The following STRA8 variants were observed in gnomAD, a reference collection of about 807,000 sequenced individuals.
STRA8 encodes the protein stimulated by retinoic acid gene 8 protein homolog.
In STRA8, 18 loss-of-function variants were observed where a neutral mutation model predicts 37.1. That is an observed-to-expected ratio of 0.48 (90% CI 0.34 to 0.72). The LOEUF (loss-of-function observed/expected upper bound fraction) is 0.72, where lower values mean the gene tolerates loss of function less well. Among genes scored for constraint, STRA8 ranks in the 30% least tolerant of loss-of-function variants. STRA8 has a pLI of 0.01. For missense variants in STRA8, 357 were observed against 410.4 expected (o/e 0.87, Z 1.13); for synonymous variants, 168 against 162.9 (o/e 1.03, Z -0.24).
upstream of STRA8, among the ~76,000 whole-genome samples, chr7:135,233,324 T>A (rs55721071): frequency 0.023 from 3,564 of 152,274 alleles, 72 homozygotes; most frequent in Non-Finnish European, 0.036. Context: ...CTATTTCCCT[T>A]TCTCCCTTTT....
chr7:135,237,412 TC>T (rs1202681364), intron 1 of STRA8, among the ~76,000 whole-genome samples: 3 of 152,070 alleles, frequency 2.0e-5, no homozygotes, highest in Non-Finnish European at 2.9e-5. Flanking sequence ...AATAGTTAGC[TC>T]CCCCTTTCAC....
Position 135,240,626 on chromosome 7 carries a change from G to A in STRA8, c.102G>A (p.Leu34=). 3.1e-6 allele frequency: 5 copies of A among 1,614,112 alleles called. No homozygotes were observed. Among genetic ancestry groups the A allele is most frequent in the Non-Finnish European group, 4.2e-6 (5 of 1,180,030 alleles). The change falls in exon 2 of 9, where the codon CTG becomes CTA. Residue 34 remains leucine (L), a synonymous_variant. Transcript: ENST00000662584. ...AGCATCGGGTGGCCCGGAGACGGCT[G>A]TCCCAGGCCCGCCACCGAGCCACCC... ...ELEHRVARRR[L]SQARHRATLA...
intron 4 of STRA8, among the ~76,000 whole-genome samples, chr7:135,244,085 GTCTCAC>G (rs1383097905): frequency 2.0e-5 from 3 of 152,214 alleles, no homozygotes; most frequent in African/African-American, 7.2e-5. Context: ...TTGAGACGGA[GTCTCAC>G]TCTGTCACCC....
chr7:135,242,997 G>C (rs1423435466), intron 3 of STRA8, 141 bp downstream of exon 3: 4 of 950,092 alleles, frequency 4.2e-6, no homozygotes, highest in Non-Finnish European at 6.4e-6. Context: ...CTGTGCTTGG[G>C]CCAATGTTGA....
intron 2 of STRA8, among the ~76,000 whole-genome samples, chr7:135,241,747 T>C (rs559455445): frequency 1.3e-5 from 2 of 152,308 alleles, no homozygotes; most frequent in South Asian, 2.1e-4. Flanking sequence ...TATTGTGTTA[T>C]AAGGGGTTGT....
At chr7:135,252,018 GT>G in intron 7 of STRA8, 149 bp downstream of exon 7, 1 of 664,674 alleles carries the variant, frequency 1.5e-6, no homozygotes, top group Non-Finnish European at 2.7e-6. Flanking sequence ...GAGAGAGTGT[GT>G]GTGTGTGTGT....
At chr7:135,241,713 C>G (rs573279045) in intron 2 of STRA8, among the ~76,000 whole-genome samples, 30 of 152,208 alleles carry the variant, frequency 2.0e-4, no homozygotes, top group Non-Finnish European at 3.4e-4. Context: ...GCTTCTACCC[C>G]TTGTTAGTAC....
chr7:135,256,400 T>C (rs1260228281), intron 8 of STRA8, among the ~76,000 whole-genome samples: 1 of 152,194 alleles, frequency 6.6e-6, no homozygotes, highest in East Asian at 1.9e-4. Flanking sequence ...ACAGTTAAAT[T>C]AGCCCACTTT....
intron 4 of STRA8, among the ~76,000 whole-genome samples, chr7:135,244,404 T>C (rs1291958769): frequency 6.6e-6 from 1 of 152,214 alleles, no homozygotes; most frequent in African/African-American, 2.4e-5. Flanking sequence ...ATTATTCCTC[T>C]AAGTATAAAG....
intron 5 of STRA8, among the ~76,000 whole-genome samples, chr7:135,245,884 G>A (rs1016272876): frequency 1.1e-4 from 17 of 152,134 alleles, no homozygotes; most frequent in Admixed American, 1.0e-3. Context: ...CCACAAGTCC[G>A]CACTGCTCTT....
chr7:135,236,560 C>G (rs1350163771), intron 1 of STRA8, among the ~76,000 whole-genome samples: 1 of 152,172 alleles, frequency 6.6e-6, no homozygotes, highest in Admixed American at 6.5e-5. Context: ...TCCAAGCATG[C>G]CCAGTTTTCC....
chr7:135,244,193 G>A (rs1429306436), intron 4 of STRA8, among the ~76,000 whole-genome samples: 2 of 152,122 alleles, frequency 1.3e-5, no homozygotes, highest in Non-Finnish European at 2.9e-5. Context: ...CAAGTAGCTG[G>A]GATTACAGGC....
At chr7:135,244,527 G>A (rs1832516588) in intron 4 of STRA8, among the ~76,000 whole-genome samples, 2 of 152,082 alleles carry the variant, frequency 1.3e-5, no homozygotes, top group African/African-American at 4.8e-5. Context: ...AATTTATCCT[G>A]TTTTTAATAG....
At chr7:135,255,587 G>A (rs1025144323) in intron 8 of STRA8, among the ~76,000 whole-genome samples, 2 of 152,228 alleles carry the variant, frequency 1.3e-5, no homozygotes, top group Non-Finnish European at 2.9e-5. Context: ...CAGTGGCAGC[G>A]TTAGATTCTC....
intron 2 of STRA8, among the ~76,000 whole-genome samples, chr7:135,241,099 T>C (rs1013761152): frequency 7.2e-5 from 11 of 152,130 alleles, no homozygotes; most frequent in Admixed American, 7.2e-4. Flanking sequence ...ATATTGGGGA[T>C]TGGGTCTCAA....
chr7:135,234,106 T>TGATG (rs563221133), intron 1 of STRA8, among the ~76,000 whole-genome samples: 14 of 150,786 alleles, frequency 9.3e-5, no homozygotes, highest in African/African-American at 3.4e-4. Context: ...TGATGATGAT[T>TGATG]ATTATTATTA....
intron 2 of STRA8, 150 bp downstream of exon 2, chr7:135,240,866 A>C: frequency 1.2e-6 from 1 of 860,022 alleles, no homozygotes; most frequent in South Asian, 1.8e-5. Flanking sequence ...GTAATTTATA[A>C]ACAACAGAAG....
In STRA8 at chr7:135,246,169, G is replaced by T. The variant is rs1832549822; in HGVS notation, c.594-248G>T. ...TATCTGCTTCTGTCTAACACAGAAG[G>T]CTTCATGGGGCAGGGACTGGGAGAA... On this transcript the variant is annotated intron_variant, in intron 5 of 8. Transcript: ENST00000662584. This position sits in a 1 kb window ranked among gnomAD's most constrained non-coding sequence, Gnocchi z 5.4. 2 of 569,380 alleles carry T rather than the reference G, an allele frequency of 3.5e-6. No homozygotes were observed. The highest frequency in any genetic ancestry group is 6.3e-6 in the Non-Finnish European group (2 of 319,134). The allele number at this position is 569,380 out of a possible 1,614,324, so 35.3% of individuals were successfully genotyped here.
At chr7:135,232,567 C>G (rs1036353999), upstream of STRA8, among the ~76,000 whole-genome samples, 1 of 151,726 alleles carries the variant, frequency 6.6e-6, no homozygotes, top group Non-Finnish European at 1.5e-5. Flanking sequence ...CGCTTGAGCC[C>G]GGGAATTCGA....
Sources: allele counts gnomAD v4.1 joint callset (sites outside exome capture counted in the v4.1 genomes callset), GRCh38; gene constraint gnomAD v4.1.1; non-coding constraint Gnocchi (gnomAD v3.1); transcripts MANE v1.5; gene names NCBI Gene and HGNC (gene_info 2026-07-23, HGNC 2026-07-21).